Variants in CLVS1 observed in about 807,000 individuals in gnomAD.
The protein encoded by CLVS1 is clavesin 1, also known as clavesin-1.
A neutral mutation model predicts 33.1 loss-of-function variants in CLVS1; 10 were observed. That is an observed-to-expected ratio of 0.30 (90% CI 0.19 to 0.51). The LOEUF is 0.51. CLVS1 is among the 20% of genes least tolerant of loss of function. The probability of loss-of-function intolerance (pLI) is 0.97; values close to 1 mark genes in which losing one functional copy is unlikely to be tolerated. For missense variants in CLVS1, 343 were observed against 433.4 expected (o/e 0.79, Z 1.85); for synonymous variants, 163 against 166.1 (o/e 0.98, Z 0.14).
intron 2 of CLVS1, chr8:61,273,981 G>A (rs187465146): frequency 0.018 from 2,790 of 157,968 alleles, 34 homozygotes; most frequent in Admixed American, 0.022. Context: ...GCTGTAGACC[G>A]GAGCTGTTCC....
At chr8:61,339,915 AAGAG>A (rs953885248) in intron 2 of CLVS1, among the ~76,000 whole-genome samples, 23 of 151,530 alleles carry the variant, frequency 1.5e-4, no homozygotes, top group African/African-American at 3.2e-4. Context: ...GAGGGAAAGA[AAGAG>A]AGTGAAAGAA....
At chr8:61,168,174 G>A (rs1313887186) in intron 2 of CLVS1, among the ~76,000 whole-genome samples, 1 of 152,152 alleles carries the variant, frequency 6.6e-6, no homozygotes, top group Non-Finnish European at 1.5e-5. Context: ...TAACAACCCT[G>A]AGATCCCCTA....
intron 1 of CLVS1, among the ~76,000 whole-genome samples, chr8:61,089,104 A>G (rs1805184271): frequency 6.6e-6 from 1 of 152,008 alleles, no homozygotes; most frequent in South Asian, 2.1e-4. Context: ...CCCGGCCTAG[A>G]CTTTTAAAAT....
intron 3 of CLVS1, among the ~76,000 whole-genome samples, chr8:61,402,063 C>T (rs1384861846): frequency 1.3e-5 from 2 of 151,868 alleles, no homozygotes; most frequent in East Asian, 1.9e-4. Context: ...GGCCTGGAAC[C>T]CACTCGGTAA....
At chr8:61,093,664 G>A (rs1168206213) in intron 1 of CLVS1, among the ~76,000 whole-genome samples, 1 of 152,210 alleles carries the variant, frequency 6.6e-6, no homozygotes, top group African/African-American at 2.4e-5. Context: ...GGGGAAAATA[G>A]TGAGGCACTA....
intron 3 of CLVS1, among the ~76,000 whole-genome samples, chr8:61,430,566 C>T (rs1343138122): frequency 2.0e-5 from 3 of 152,126 alleles, no homozygotes; most frequent in African/African-American, 7.2e-5. Context: ...AAATGACTCC[C>T]AACTCCATGA....
rs1435351120 is a variant in CLVS1 at position 61,203,305 on chromosome 8, T to C, written c.-152+71445T>C. 6.9e-6 allele frequency: 5 copies of C among 720,802 alleles called. No individual in the cohort carries two copies. The Admixed American group carries it at 7.4e-5, about 11-fold the overall frequency. The allele number at this position is 720,802 out of a possible 1,614,324, so 44.7% of individuals were successfully genotyped here. On this transcript the variant is annotated intron_variant, in intron 2 of 2. Transcript: ENST00000522621. ...AACAGTTGATATCTGGCTGTCCTTT[T>C]TATAATGCAGAGTGAGAACTTTCCC...
intron 2 of CLVS1, among the ~76,000 whole-genome samples, chr8:61,304,849 T>C (rs1345780850): frequency 6.6e-6 from 1 of 152,166 alleles, no homozygotes; most frequent in Non-Finnish European, 1.5e-5. Context: ...TAATTTTACT[T>C]TTTAGGGTCT....
chr8:61,097,817 A>G (rs1805379851), intron 1 of CLVS1, among the ~76,000 whole-genome samples: 1 of 152,142 alleles, frequency 6.6e-6, no homozygotes, highest in African/African-American at 2.4e-5. Context: ...TCTTCTCTGT[A>G]ATTTGAAAAG....
At position 61,440,099 on chromosome 8, in the gene CLVS1, TG is replaced by T. The variant is rs1816483479; in HGVS notation, c.631-14041del. The stretch of plus-strand genomic sequence containing the variant: ...CTTCTCTTTCCCTCAAATAAAGCAT[TG>T]TCTTTCTCCATCTCTCTCACTAGTA... On this transcript the variant is annotated intron_variant, in intron 3 of 5. Coordinates refer to ENST00000325897, the MANE Select transcript of CLVS1 (RefSeq NM_173519.3). Among the ~76,000 whole-genome samples the T allele has an allele frequency of 2.0e-5, 3 of 152,242 alleles. No individual in the cohort carries two copies. The South Asian group carries it at 6.2e-4, about 31-fold the overall frequency.
chr8:61,066,801 C>T (rs749493309), intron 1 of CLVS1, among the ~76,000 whole-genome samples: 13 of 152,194 alleles, frequency 8.5e-5, no homozygotes, highest in Admixed American at 2.0e-4. Flanking sequence ...AAAGTGTCCA[C>T]GCAGTGGTAT....
At position 61,501,467 on chromosome 8, in the gene CLVS1, T is replaced by C. The variant is rs1375626336; in HGVS notation, c.*1925T>C. On this transcript the variant is annotated 3_prime_UTR_variant, in exon 6 of 6. Transcript: ENST00000325897. ...ATAATTTCATTACATGAATGTAAGA[T>C]GATGGCTCAAAAATGACGACTTATA... is the stretch of plus-strand genomic sequence containing the variant. 6.6e-6 allele frequency: 1 copy of C among 152,162 alleles called. No individual in the cohort carries two copies. Among genetic ancestry groups the C allele is most frequent in the Non-Finnish European group, 1.5e-5 (1 of 68,020 alleles). The allele number at this position is 152,162 out of a possible 1,614,324, so 9.4% of individuals were successfully genotyped here.
intron 2 of CLVS1, among the ~76,000 whole-genome samples, chr8:61,179,203 A>C (rs7015142): frequency 0.69 from 104,959 of 152,090 alleles, 37,866 homozygotes; most frequent in Middle Eastern, 0.87. Flanking sequence ...ATCCTAATTT[A>C]TGGAAAAACA....
chr8:61,360,941 C>G (rs1812949926), intron 2 of CLVS1, among the ~76,000 whole-genome samples: 1 of 151,950 alleles, frequency 6.6e-6, no homozygotes, highest in Admixed American at 6.6e-5. Flanking sequence ...GTTCTGCAGG[C>G]TGTACAGGAA....
chr8:61,271,424 T>C (rs1809435753), intron 2 of CLVS1, among the ~76,000 whole-genome samples: 1 of 148,620 alleles, frequency 6.7e-6, no homozygotes, highest in South Asian at 2.2e-4. Flanking sequence ...TGAGGAGAGC[T>C]TTACTTCCAA....
At chr8:61,372,809 C>T (rs1813493503) in intron 2 of CLVS1, among the ~76,000 whole-genome samples, 1 of 152,078 alleles carries the variant, frequency 6.6e-6, no homozygotes, top group Non-Finnish European at 1.5e-5. Context: ...TAATGTTTTT[C>T]TCATGATTAC....
At chr8:61,216,079 T>C (rs1808079306) in intron 2 of CLVS1, among the ~76,000 whole-genome samples, 1 of 152,194 alleles carries the variant, frequency 6.6e-6, no homozygotes, top group African/African-American at 2.4e-5. Context: ...CTTTCTCCTC[T>C]CCTAGACTGC....
In CLVS1 at chr8:61,453,098, T is replaced by TA. The variant is rs58296125; in HGVS notation, c.631-1042dup. On this transcript the variant is annotated intron_variant, in intron 3 of 5. Transcript: ENST00000325897. ...CTCATCTTGCTAACATTTTTTTTTT[T>TA]ATTATACTTTAAGTTTTAGGGTACA... Among the ~76,000 whole-genome samples the TA allele has an allele frequency of 1.3e-3, 198 of 150,958 alleles. 2 individuals are homozygous for TA. The East Asian group carries it at 0.036, about 27-fold the overall frequency.
chr8:61,059,439 T>C (rs909073110), intron 1 of CLVS1, among the ~76,000 whole-genome samples: 4 of 139,082 alleles, frequency 2.9e-5, no homozygotes, highest in Non-Finnish European at 6.2e-5. Context: ...ACCTATATCA[T>C]ATATATATAT....
Sources: gnomAD v4.1 joint callset for allele counts (sites outside exome capture counted in the v4.1 genomes callset) on GRCh38, gnomAD v4.1.1 for gene constraint, MANE v1.5 for transcripts, NCBI Gene and HGNC (gene_info 2026-07-23, HGNC 2026-07-21) for gene names.